Variants in TAFA2 observed in about 807,000 individuals in gnomAD.
The protein encoded by TAFA2 is TAFA chemokine like family member 2.
Under a neutral mutation model 18.8 loss-of-function variants are expected in TAFA2, and 7 were observed. That is an observed-to-expected ratio of 0.37 (90% CI 0.21 to 0.70). The LOEUF is 0.70. TAFA2 is among the 30% of genes least tolerant of loss of function. The probability of loss-of-function intolerance (pLI) is 0.53; values close to 1 mark genes in which losing one functional copy is unlikely to be tolerated. For missense variants in TAFA2, 122 were observed against 158.1 expected (o/e 0.77, Z 1.23); for synonymous variants, 60 against 54.2 (o/e 1.11, Z -0.47).
intron 2 of TAFA2, among the ~76,000 whole-genome samples, chr12:61,787,105 C>T (rs940454962): frequency 2.6e-5 from 4 of 151,366 alleles, no homozygotes; most frequent in Admixed American, 2.6e-4. Flanking sequence ...ACTATTTACT[C>T]TTTAAGAAAC....
chr12:61,729,574 G>A (rs1368030628), intron 4 of TAFA2, among the ~76,000 whole-genome samples: 1 of 151,828 alleles, frequency 6.6e-6, no homozygotes, highest in Non-Finnish European at 1.5e-5. Context: ...CAGAAGTTGT[G>A]ATTGTTTTTT....
At chr12:62,232,672 C>T (rs1193171352) in intron 1 of TAFA2, among the ~76,000 whole-genome samples, 13 of 152,028 alleles carry the variant, frequency 8.6e-5, no homozygotes, top group Admixed American at 1.3e-4. Flanking sequence ...CCATCATGCC[C>T]GGCTAATTTT....
At chr12:62,010,593 G>A (rs12823466) in intron 1 of TAFA2, among the ~76,000 whole-genome samples, 62,539 of 151,724 alleles carry the variant, frequency 0.41, 13,443 homozygotes, top group Non-Finnish European at 0.46. Flanking sequence ...CTGGGAAGTG[G>A]AGAGCGTCTC....
Position 61,878,089 on chromosome 12 carries a change from C to A in TAFA2, c.-1-10663G>T, listed in dbSNP as rs74544291. 3.2e-4 allele frequency: 144 copies of A among 454,894 alleles called. 1 individual carries two copies. The highest frequency in any genetic ancestry group is 2.2e-3 in the South Asian group (144 of 64,444). The allele number at this position is 454,894 out of a possible 1,614,324, so 28.2% of individuals were successfully genotyped here. A position where few individuals can be genotyped will look rare whatever the true frequency, so the allele number is the denominator to read the frequency against. ...GTGGTCCTACTTACATGAGAGATAC[C>A]TAGAATAGTCAAATTCGTTGAGACA... On this transcript the variant is annotated intron_variant, in intron 1 of 4. Coordinates refer to ENST00000416284, the MANE Select transcript of TAFA2 (RefSeq NM_178539.5).
At chr12:61,790,222 C>T (rs1870916583) in intron 2 of TAFA2, among the ~76,000 whole-genome samples, 2 of 149,630 alleles carry the variant, frequency 1.3e-5, no homozygotes, top group Non-Finnish European at 1.5e-5. Flanking sequence ...ACTACCACAA[C>T]ACAATAAAGG....
intron 1 of TAFA2, among the ~76,000 whole-genome samples, chr12:62,245,589 C>T (rs2062881127): frequency 6.8e-6 from 1 of 148,040 alleles, no homozygotes; most frequent in Admixed American, 6.8e-5. Flanking sequence ...TATATATACA[C>T]ATTTTTCTAT....
At chr12:62,017,228 G>A (rs183704486) in intron 1 of TAFA2, among the ~76,000 whole-genome samples, 307 of 129,768 alleles carry the variant, frequency 2.4e-3, no homozygotes, top group Non-Finnish European at 3.9e-3. Context: ...GAGTTAATGC[G>A]TAAAAAAAAA....
chr12:61,833,662 G>A (rs1016754954), intron 2 of TAFA2, among the ~76,000 whole-genome samples: 2 of 151,746 alleles, frequency 1.3e-5, no homozygotes, highest in East Asian at 1.9e-4. Flanking sequence ...GAACATGATC[G>A]TTTTTCTGTC....
intron 2 of TAFA2, among the ~76,000 whole-genome samples, chr12:61,769,110 G>A (rs1473448663): frequency 6.6e-6 from 1 of 151,960 alleles, no homozygotes; most frequent in Non-Finnish European, 1.5e-5. Flanking sequence ...AAGCAGCAGA[G>A]GCAGCCATAA....
intron 1 of TAFA2, among the ~76,000 whole-genome samples, chr12:61,994,752 G>A (rs933989543): frequency 2.6e-5 from 4 of 151,698 alleles, no homozygotes; most frequent in Non-Finnish European, 4.4e-5. Context: ...CTTCGTTTCC[G>A]TATCTGTGTA....
chr12:61,903,551 T>C (rs926112701), intron 1 of TAFA2, among the ~76,000 whole-genome samples: 1 of 152,144 alleles, frequency 6.6e-6, no homozygotes, highest in African/African-American at 2.4e-5. Flanking sequence ...ATGTACTGAG[T>C]CTAGAACACT....
intron 1 of TAFA2, among the ~76,000 whole-genome samples, chr12:61,995,436 C>T (rs1016578279): frequency 1.3e-5 from 2 of 152,148 alleles, no homozygotes; most frequent in Non-Finnish European, 2.9e-5. Flanking sequence ...TAATTGTATA[C>T]TATGTTTTAT....
chr12:62,164,164 G>A lies in TAFA2; in HGVS notation c.-2+27095C>T, dbSNP rs144402414. On this transcript the variant is annotated intron_variant, in intron 1 of 4. Transcript: ENST00000416284. ...TATGCCATGAATCCTTCTGCATAGC[G>A]CTCTTCCTTAGAAGTTTTAGTAATA... 7.5e-4 allele frequency among the ~76,000 whole-genome samples: 114 copies of A among 152,178 alleles called. No homozygotes were observed. The East Asian group carries it at 0.012, about 16-fold the overall frequency.
At chr12:62,106,333 C>G (rs1241205063) in intron 1 of TAFA2, among the ~76,000 whole-genome samples, 1 of 150,850 alleles carries the variant, frequency 6.6e-6, no homozygotes, top group African/African-American at 2.4e-5. Context: ...GACTCCATCT[C>G]AAAAAAGAAC....
At chr12:61,769,073 C>CCCCCACTT (rs1396395208) in intron 2 of TAFA2, among the ~76,000 whole-genome samples, 3 of 151,972 alleles carry the variant, frequency 2.0e-5, no homozygotes, top group East Asian at 3.9e-4. Flanking sequence ...TGCCAGCTTT[C>CCCCCACTT]CCCCACTTCC....
Position 61,724,801 on chromosome 12 carries a change from G to GTATATGTA in TAFA2, c.385-14385_385-14384insTACATATA, listed in dbSNP as rs1555196549. 9.1e-3 allele frequency among the ~76,000 whole-genome samples: 1,007 copies of GTATATGTA among 110,144 alleles called. 2 individuals carry two copies. The highest frequency in any genetic ancestry group is 0.023 in the African/African-American group (620 of 26,876). The allele number at this position is 110,144 out of a possible 152,430, so 72.3% of individuals were successfully genotyped here. On this transcript the variant is annotated intron_variant, in intron 4 of 4. Coordinates refer to ENST00000416284, the MANE Select transcript of TAFA2 (RefSeq NM_178539.5). ...TGTGTGTGTGTGTGTGTGTGTGTGT[G>GTATATGTA]TATACACCAGATGGGTGTATATGTA...
At chr12:61,713,480 A>C (rs572265696) in intron 4 of TAFA2, among the ~76,000 whole-genome samples, 1 of 152,316 alleles carries the variant, frequency 6.6e-6, no homozygotes, top group Admixed American at 6.5e-5. Context: ...ACTGCATTGA[A>C]GGAATTAAAG....
intron 1 of TAFA2, chr12:62,021,612 C>G: frequency 9.3e-7 from 1 of 1,073,920 alleles, no homozygotes; most frequent in Non-Finnish European, 1.4e-6. Flanking sequence ...GTTCTGGCTT[C>G]CCACCCTTCT....
chr12:62,173,280 G>A (rs1051095046), intron 1 of TAFA2, among the ~76,000 whole-genome samples: 17 of 152,076 alleles, frequency 1.1e-4, no homozygotes, highest in Non-Finnish European at 2.2e-4. Flanking sequence ...GCTGCACGTC[G>A]TGCGCGCCTG....
Sources: gnomAD v4.1 joint callset for allele counts (sites outside exome capture counted in the v4.1 genomes callset) on GRCh38, gnomAD v4.1.1 for gene constraint, MANE v1.5 for transcripts, NCBI Gene and HGNC (gene_info 2026-07-23, HGNC 2026-07-21) for gene names.